Variants in TRPM5 observed in about 807,000 individuals in gnomAD.
TRPM5 encodes transient receptor potential cation channel subfamily M member 5, also known as MLSN1 and TRP-related.
In TRPM5, 121 loss-of-function variants were observed where a neutral mutation model predicts 124.9. The observed-to-expected ratio is 0.97, with a 90% confidence interval of 0.84 to 1.13. The LOEUF (loss-of-function observed/expected upper bound fraction) is 1.13, where lower values mean the gene tolerates loss of function less well. Ranked by LOEUF, TRPM5 falls within the 50% of genes most tolerant of loss-of-function variation. TRPM5 has a pLI of 0.00. For synonymous variants in TRPM5, 781 were observed against 700.5 expected (o/e 1.11, Z -1.81); for missense variants, 1,643 against 1,589.1 (o/e 1.03, Z -0.58).
rs77474945 is a variant in TRPM5, at chr11:2,422,200, A to G, written c.239T>C (p.Met80Thr). Residue 80 changes from methionine to threonine, a missense_variant, in exon 2 of 24, where the codon ATG becomes ACG. Coordinates refer to ENST00000155858, the Ensembl canonical transcript of TRPM5. ...CAGCACATCCCGCAGCCAGGACTTC[A>G]TGGCGAAAGGCTGCTCCTCACCCAC... is the stretch of plus-strand genomic sequence containing the variant. The G allele has an allele frequency of 4.2e-4, 684 of 1,612,304 alleles. No homozygotes were observed. The African/African-American group carries it at 8.2e-3, about 19-fold the overall frequency.
rs757445539 is a variant in TRPM5 at position 2,405,598 on chromosome 11, A to T, written c.3325-5T>A. The T allele has an allele frequency of 5.8e-6, 9 of 1,559,640 alleles. No individual in the cohort carries two copies. The East Asian group carries it at 2.1e-4, about 37-fold the overall frequency. ...GAGCACCGAGCAGTAGTTGATCTGG[A>T]GAAGGGAAACACGTCCGGGAAGCTC... On this transcript the variant is annotated splice_polypyrimidine_tract_variant and splice_region_variant and intron_variant, in intron 22 of 23. Transcript: ENST00000155858.
At chr11:2,415,449 A>G (rs1845651715) in exon 9 of TRPM5, 1 of 1,580,298 alleles carries the variant, frequency 6.3e-7, no homozygotes. Context: ...GGCGTCCACC[A>G]TCACCTCCTC....
At chr11:2,413,659 C>A in intron 12 of TRPM5, 71 bp from the exon 18 acceptor site, 1 of 1,432,012 alleles carries the variant, frequency 7.0e-7, no homozygotes, top group Non-Finnish European at 9.6e-7. Flanking sequence ...CCCAGGAATG[C>A]CCTTCCCCCA....
chr11:2,415,344 T>A (rs1845649195), exon 9 of TRPM5: 1 of 1,585,492 alleles, frequency 6.3e-7, no homozygotes, highest in African/African-American at 1.3e-5. Context: ...CACGGAGCGG[T>A]AGAGCTCCTG....
the TRPM5 span, among the ~76,000 whole-genome samples, chr11:2,428,954 T>C: frequency 2.9e-5 from 4 of 137,988 alleles, no homozygotes; most frequent in Non-Finnish European, 6.2e-5. The surrounding 1 kb of genome is among the most constrained non-coding windows in gnomAD (Gnocchi z 4.0). Context: ...AATCATGGGA[T>C]GATGATAGTA....
chr11:2,407,972 C>T (rs1850358076), intron 18 of TRPM5, 60 bp from the exon 24 acceptor site: 2 of 1,586,336 alleles, frequency 1.3e-6, no homozygotes, highest in Non-Finnish European at 1.7e-6. Flanking sequence ...CGGCCTTAGG[C>T]AAATGCCCCG....
At chr11:2,406,220 T>G in intron 21 of TRPM5, 129 bp from the exon 27 acceptor site, 4 of 958,068 alleles carry the variant, frequency 4.2e-6, no homozygotes, top group Admixed American at 1.9e-5. Flanking sequence ...CCTTCCTCCC[T>G]CATGCCCAGA....
upstream of TRPM5, among the ~76,000 whole-genome samples, chr11:2,427,475 A>G (rs1845848593): frequency 6.6e-6 from 1 of 152,080 alleles, no homozygotes; most frequent in Non-Finnish European, 1.5e-5. Flanking sequence ...TGGGCAGCCA[A>G]TGCCAGCCCT....
chr11:2,407,608 G>T, intron 19 of TRPM5, 151 bp downstream of exon 24: 1 of 1,065,400 alleles, frequency 9.4e-7, no homozygotes, highest in East Asian at 2.5e-5. Flanking sequence ...AAGCCCTGCA[G>T]TCCAGGCTAT....
chr11:2,436,293 C>T, the TRPM5 span, among the ~76,000 whole-genome samples: 1 of 152,282 alleles, frequency 6.6e-6, no homozygotes, highest in Non-Finnish European at 1.5e-5. Flanking sequence ...CGTGATGGGC[C>T]ATGGTGGGCT....
the TRPM5 span, among the ~76,000 whole-genome samples, chr11:2,442,403 AC>A: frequency 0.012 from 1,742 of 148,712 alleles, 37 homozygotes; most frequent in African/African-American, 0.044. This position sits in a 1 kb window ranked among gnomAD's most constrained non-coding sequence, Gnocchi z 5.9. Flanking sequence ...ACACACACAC[AC>A]ACACACACAC....
At chr11:2,406,138 C>T (rs748551077) in intron 21 of TRPM5, 47 bp from the exon 27 acceptor site, 10 of 1,601,908 alleles carry the variant, frequency 6.2e-6, no homozygotes, top group Non-Finnish European at 5.1e-6. Context: ...ACGCGGTGCT[C>T]TGCGTGTGGG....
At chr11:2,422,000 C>T (rs1845778187) in intron 2 of TRPM5, 141 bp downstream of exon 7, 2 of 789,306 alleles carry the variant, frequency 2.5e-6, no homozygotes, top group Admixed American at 3.0e-5. Flanking sequence ...GGGAGCATTG[C>T]CTGTGCCGGG....
chr11:2,406,759 G>C, exon 21 of TRPM5: 2 of 1,613,440 alleles, frequency 1.2e-6, no homozygotes, highest in Non-Finnish European at 1.7e-6. Flanking sequence ...CCCAGGTGAC[G>C]ACCTTCTGGT....
chr11:2,406,331 C>T (rs1451607697), intron 21 of TRPM5, among the ~76,000 whole-genome samples: 1 of 152,204 alleles, frequency 6.6e-6, no homozygotes, highest in Non-Finnish European at 1.5e-5. Flanking sequence ...GGGCGCACCA[C>T]CCAGAAAGAC....
intron 7 of TRPM5, 89 bp from the exon 13 acceptor site, chr11:2,416,113 G>A: frequency 1.1e-6 from 1 of 928,172 alleles, no homozygotes; most frequent in Non-Finnish European, 1.6e-6. Flanking sequence ...GCGCTGCCTA[G>A]AGACGCGGAA....
intron 21 of TRPM5, 70 bp from the exon 27 acceptor site, chr11:2,406,161 C>A (rs1850319737): frequency 1.3e-6 from 2 of 1,522,526 alleles, no homozygotes; most frequent in Non-Finnish European, 1.8e-6. Flanking sequence ...GCCTCCCCAT[C>A]CCCCCAGGCC....
At chr11:2,433,072 A>C in the TRPM5 span, among the ~76,000 whole-genome samples, 1 of 152,252 alleles carries the variant, frequency 6.6e-6, no homozygotes, top group Non-Finnish European at 1.5e-5. Flanking sequence ...CAGCGCCTGC[A>C]GCGTGCCACT....
rs1326013678 is a variant in TRPM5 at position 2,412,944 on chromosome 11, G to T, written c.2165C>A (p.Thr722Lys). The change falls in exon 15 of 24, where the codon ACA (threonine) becomes AAA (lysine). Residue 722 changes from threonine to lysine, a missense_variant. Transcript: ENST00000155858. ...AGCGCCCCAGAATTTCCGCCAGCGT[G>T]TGAGCAGGAAGACAGCACGTGGGCC... 1.6e-5 allele frequency: 25 copies of T among 1,604,914 alleles called. No individual in the cohort carries two copies. The highest frequency in any genetic ancestry group is 2.0e-5 in the Non-Finnish European group (24 of 1,176,814).
Sources: gnomAD v4.1 joint callset for allele counts (sites outside exome capture counted in the v4.1 genomes callset) on GRCh38, gnomAD v4.1.1 for gene constraint, Gnocchi (gnomAD v3.1) non-coding constraint, MANE v1.5 for transcripts, NCBI Gene and HGNC (gene_info 2026-07-23, HGNC 2026-07-21) for gene names.